LRRC3B: variants seen among roughly 807,000 people sequenced by gnomAD.
LRRC3B encodes leucine-rich repeat-containing protein 3B.
Under a neutral mutation model 12.8 loss-of-function variants are expected in LRRC3B, and 2 were observed. The observed-to-expected ratio is 0.16, with a 90% CI of 0.06 to 0.49. The LOEUF is 0.49. LRRC3B is among the 20% of genes least tolerant of loss of function. The pLI is 0.96. For missense variants in LRRC3B, 189 were observed against 319.4 expected, an observed-to-expected ratio of 0.59 and a Z score of 3.11; for synonymous variants, 132 against 122.0, an observed-to-expected ratio of 1.08 and a Z score of -0.54.
intron 1 of LRRC3B, among the ~76,000 whole-genome samples, chr3:26,631,142 CT>C (rs1255271244): frequency 3.3e-5 from 5 of 152,140 alleles, no homozygotes; most frequent in African/African-American, 9.7e-5. Context: ...TATGGGATGC[CT>C]TTGTGAGAAA....
chr3:26,666,021 A>C (rs940343342), intron 1 of LRRC3B, among the ~76,000 whole-genome samples: 3 of 152,212 alleles, frequency 2.0e-5, no homozygotes, highest in African/African-American at 7.2e-5. Flanking sequence ...CATTAATTCA[A>C]ATCAATTTAA....
At position 26,646,130 on chromosome 3, in the gene LRRC3B, A is replaced by C. The variant is rs567455332; in HGVS notation, c.-161+22893A>C. ...ACCTCATCTTTATGATAAACTTTCA[A>C]AGAAGCTTAATCCAAAAACCATAGA... On this transcript the variant is annotated intron_variant, in intron 1 of 1. Coordinates refer to ENST00000396641, the Ensembl canonical transcript of LRRC3B. Among the ~76,000 whole-genome samples the C allele has an allele frequency of 7.9e-5, 12 of 152,332 alleles. No homozygotes were observed. The East Asian group carries it at 2.3e-3, about 29-fold the overall frequency.
At chr3:26,623,485 C>G (rs1016841743) in intron 1 of LRRC3B, among the ~76,000 whole-genome samples, 1 of 152,176 alleles carries the variant, frequency 6.6e-6, no homozygotes, top group Non-Finnish European at 1.5e-5. Context: ...TTTTGTGACC[C>G]CTTCCCTGCG....
intron 1 of LRRC3B, among the ~76,000 whole-genome samples, chr3:26,682,001 G>T (rs1165709141): frequency 6.6e-6 from 1 of 151,702 alleles, no homozygotes; most frequent in Admixed American, 6.6e-5. Flanking sequence ...GACACAATAA[G>T]ATATTAACAA....
chr3:26,634,818 T>C (rs562086795), intron 1 of LRRC3B, among the ~76,000 whole-genome samples: 1 of 152,310 alleles, frequency 6.6e-6, no homozygotes, highest in Admixed American at 6.5e-5. Context: ...GATGTTGGCT[T>C]TGACGCTGCT....
intron 1 of LRRC3B, among the ~76,000 whole-genome samples, chr3:26,661,111 G>T (rs1248455343): frequency 2.6e-5 from 4 of 152,130 alleles, no homozygotes; most frequent in Non-Finnish European, 5.9e-5. Context: ...GACCCCAGGG[G>T]TATGTACATC....
At chr3:26,689,379 A>G (rs1700146637) in intron 1 of LRRC3B, among the ~76,000 whole-genome samples, 1 of 152,210 alleles carries the variant, frequency 6.6e-6, no homozygotes, top group Non-Finnish European at 1.5e-5. Flanking sequence ...CACCAGGACC[A>G]GTCCTGACAG....
chr3:26,685,195 C>T (rs1700050511), intron 1 of LRRC3B, among the ~76,000 whole-genome samples: 1 of 152,078 alleles, frequency 6.6e-6, no homozygotes. Context: ...TCAGGTGATC[C>T]ACCCACCTTG....
At chr3:26,701,644 C>G (rs926050415) in intron 1 of LRRC3B, among the ~76,000 whole-genome samples, 11 of 152,028 alleles carry the variant, frequency 7.2e-5, no homozygotes, top group Non-Finnish European at 1.5e-4. Context: ...ACCCCAACAT[C>G]GAAACATCAC....
At chr3:26,705,179 A>G (rs1050133602) in intron 1 of LRRC3B, among the ~76,000 whole-genome samples, 3 of 152,168 alleles carry the variant, frequency 2.0e-5, no homozygotes, top group Admixed American at 2.0e-4. Flanking sequence ...TGTTAAATGC[A>G]CTGGTTTTTT....
chr3:26,640,090 A>T (rs1698991665), intron 1 of LRRC3B, among the ~76,000 whole-genome samples: 1 of 152,212 alleles, frequency 6.6e-6, no homozygotes, highest in South Asian at 2.1e-4. Context: ...GCCTCTGATT[A>T]TGAAGATTTG....
chr3:26,625,036 G>C (rs1375348661), intron 1 of LRRC3B: 2 of 152,406 alleles, frequency 1.3e-5, no homozygotes, highest in Non-Finnish European at 2.9e-5. Context: ...GGTGCCTTTG[G>C]CTGAGAGTGG....
rs1024813219 is a variant in LRRC3B at position 26,665,832 on chromosome 3, G to A, written c.-161+42595G>A. 2.6e-4 allele frequency among the ~76,000 whole-genome samples: 39 copies of A among 152,298 alleles called. 1 individual carries two copies. Among genetic ancestry groups the A allele is most frequent in the African/African-American group, 9.4e-4 (39 of 41,574 alleles). Reference sequence around the variant, plus strand: ...GAGTTCATGGAAGTCCCAAAGGCATGTGATGTTCACCAGAGTAGCTCATGT... The same window carrying A: ...GAGTTCATGGAAGTCCCAAAGGCATATGATGTTCACCAGAGTAGCTCATGT... On this transcript the variant is annotated intron_variant, in intron 1 of 1. Coordinates refer to ENST00000396641, the Ensembl canonical transcript of LRRC3B.
At chr3:26,632,749 G>A (rs1698784990) in intron 1 of LRRC3B, among the ~76,000 whole-genome samples, 1 of 152,094 alleles carries the variant, frequency 6.6e-6, no homozygotes, top group Non-Finnish European at 1.5e-5. Context: ...TTAATCAGAA[G>A]TCAACATGGT....
chr3:26,644,353 A>G (rs1699097854), intron 1 of LRRC3B, among the ~76,000 whole-genome samples: 1 of 152,226 alleles, frequency 6.6e-6, no homozygotes, highest in South Asian at 2.1e-4. Flanking sequence ...GTTTTTATTC[A>G]TTCATTTGGT....
intron 1 of LRRC3B, among the ~76,000 whole-genome samples, chr3:26,651,691 A>G (rs983218109): frequency 1.3e-5 from 2 of 152,230 alleles, no homozygotes; most frequent in Non-Finnish European, 2.9e-5. Flanking sequence ...TGAAGTGGGT[A>G]AAAAGAAGCT....
chr3:26,656,700 C>T (rs6551124), intron 1 of LRRC3B, among the ~76,000 whole-genome samples: 44,431 of 152,072 alleles, frequency 0.29, 8,294 homozygotes, highest in African/African-American at 0.52. Flanking sequence ...GACTAGAAAT[C>T]CACAGATTGG....
At position 26,698,554 on chromosome 3, in the gene LRRC3B, C is replaced by A. The variant is rs57202195; in HGVS notation, c.-160-10959C>A. Among the ~76,000 whole-genome samples the A allele has an allele frequency of 5.9e-5, 9 of 152,072 alleles. No individual in the cohort carries two copies. The East Asian group carries it at 1.4e-3, about 23-fold the overall frequency. On this transcript the variant is annotated intron_variant, in intron 1 of 1. Coordinates refer to ENST00000396641, the Ensembl canonical transcript of LRRC3B. ...ACCAAAAAAGGACTTATCTTCCCCT[C>A]GAAGATTTTTGTTAAGATGTAGAAT...
chr3:26,623,073 C>A (rs1446767919), exon 1 of LRRC3B: 1 of 152,092 alleles, frequency 6.6e-6, no homozygotes, highest in Admixed American at 6.6e-5. Context: ...GGAGCCAAGC[C>A]CGCCGGGCCG....
Sources: allele counts gnomAD v4.1 joint callset (sites outside exome capture counted in the v4.1 genomes callset), GRCh38; gene constraint gnomAD v4.1.1; transcripts MANE v1.5; gene names NCBI Gene and HGNC (gene_info 2026-07-23, HGNC 2026-07-21).